The following SEMA6A variants were observed in gnomAD, a reference collection of about 807,000 sequenced individuals.
The protein encoded by SEMA6A is semaphorin-6A.
In SEMA6A, 25 loss-of-function variants were observed where a neutral mutation model predicts 96.8. That is an observed-to-expected ratio of 0.26 (90% CI 0.19 to 0.36). SEMA6A has a LOEUF of 0.36. Ranked by LOEUF, SEMA6A falls within the 10% of genes least tolerant of loss-of-function variation. The pLI, the probability that SEMA6A is intolerant of heterozygous loss-of-function variation, is 1.00. For synonymous variants in SEMA6A, 612 were observed against 518.0 expected, an observed-to-expected ratio of 1.18 and a Z score of -2.46; for missense variants, 1,363 against 1,323.1, an observed-to-expected ratio of 1.03 and a Z score of -0.47.
chr5:116,504,588 C>T (rs1216815632), intron 2 of SEMA6A, among the ~76,000 whole-genome samples: 1 of 152,126 alleles, frequency 6.6e-6, no homozygotes, highest in African/African-American at 2.4e-5. Flanking sequence ...ACGGCAGCCT[C>T]GATGTAGTAG....
chr5:116,486,849 C>T lies in SEMA6A; in HGVS notation c.862G>A (p.Asp288Asn). The change falls in exon 10 of 19, where the codon GAC becomes AAC. Residue 288 changes from aspartate to asparagine, a missense_variant. This residue lies in a region of SEMA6A where 480 missense variants were observed against 559.5 expected (regional missense o/e 0.86). Transcript: ENST00000343348. ...AGAATGTTGAAATAAAAATGAGAGT[C>T]TCCAGGAACTGAGCAGTTCAAGCGC... ...KARLNCSVPG[D>N]SHFYFNILQA... 1.2e-6 allele frequency: 2 copies of T among 1,613,756 alleles called. No individual in the cohort carries two copies. Among genetic ancestry groups the T allele is most frequent in the Non-Finnish European group, 1.7e-6 (2 of 1,179,778 alleles).
intron 1 of SEMA6A, among the ~76,000 whole-genome samples, chr5:116,515,693 T>A (rs114992511): frequency 0.026 from 3,911 of 152,278 alleles, 72 homozygotes; most frequent in Middle Eastern, 0.041. Flanking sequence ...CTGTTTACTC[T>A]CAGTATAGTT....
chr5:116,485,753 TACTC>T (rs1757019238), intron 10 of SEMA6A, among the ~76,000 whole-genome samples: 1 of 152,270 alleles, frequency 6.6e-6, no homozygotes, highest in Non-Finnish European at 1.5e-5. Flanking sequence ...TAGAGGAACA[TACTC>T]AATACAGAAC....
chr5:116,550,326 A>T (rs1476341290), intron 1 of SEMA6A: 1 of 152,210 alleles, frequency 6.6e-6, no homozygotes, highest in African/African-American at 2.4e-5. Flanking sequence ...TACCAAGAAA[A>T]TGATCCTCTC....
intron 1 of SEMA6A, among the ~76,000 whole-genome samples, chr5:116,561,212 A>G (rs1202731812): frequency 1.3e-5 from 2 of 152,238 alleles, no homozygotes; most frequent in African/African-American, 4.8e-5. Flanking sequence ...GGCAATGTTT[A>G]TAAACACATT....
At chr5:116,456,672 G>C (rs26604) in intron 18 of SEMA6A, among the ~76,000 whole-genome samples, 1 of 152,284 alleles carries the variant, frequency 6.6e-6, no homozygotes, top group African/African-American at 2.4e-5. Context: ...AACTGTGGCC[G>C]TCAGATAGTG....
intron 18 of SEMA6A, among the ~76,000 whole-genome samples, chr5:116,463,382 T>A (rs1398244407): frequency 6.6e-6 from 1 of 152,190 alleles, no homozygotes; most frequent in Non-Finnish European, 1.5e-5. Flanking sequence ...GATTAAATAA[T>A]TAACTATAAA....
rs576845817 is a variant in SEMA6A at position 116,467,861 on chromosome 5, G to C, written c.1730-114C>G. 5.0e-5 allele frequency: 52 copies of C among 1,042,840 alleles called. No homozygotes were observed. The African/African-American group carries it at 7.5e-4, about 15-fold the overall frequency. The allele number at this position is 1,042,840 out of a possible 1,614,324, so 64.6% of individuals were successfully genotyped here. A position where few individuals can be genotyped will look rare whatever the true frequency, so the allele number is the denominator to read the frequency against. On this transcript the variant is annotated intron_variant, in intron 17 of 18. Coordinates refer to ENST00000343348, the MANE Select transcript of SEMA6A (RefSeq NM_020796.5). The stretch of plus-strand genomic sequence containing the variant: ...CTGGCTGTAAGACTGAGAGGAGATG[G>C]CCCTAGAAATGACACGGCTTAGTGG...
At chr5:116,529,000 C>G (rs899703660) in intron 1 of SEMA6A, among the ~76,000 whole-genome samples, 2 of 152,174 alleles carry the variant, frequency 1.3e-5, no homozygotes, top group African/African-American at 4.8e-5. Context: ...AGTTGTGAAA[C>G]TGGCATAATA....
At chr5:116,548,762 T>C (rs1391947026) in intron 1 of SEMA6A, among the ~76,000 whole-genome samples, 1 of 152,216 alleles carries the variant, frequency 6.6e-6, no homozygotes, top group African/African-American at 2.4e-5. Context: ...TAAAACAGTA[T>C]TGCTTTGCAC....
chr5:116,451,441 G>A (rs1420611275), intron 18 of SEMA6A, among the ~76,000 whole-genome samples: 1 of 152,144 alleles, frequency 6.6e-6, no homozygotes, highest in East Asian at 1.9e-4. Flanking sequence ...AGATTTCGAA[G>A]CAATATAAGG....
intron 1 of SEMA6A, among the ~76,000 whole-genome samples, chr5:116,515,135 GA>G (rs1758607801): frequency 6.6e-6 from 1 of 152,150 alleles, no homozygotes; most frequent in South Asian, 2.1e-4. Flanking sequence ...GCCAGGCCAA[GA>G]CAGCAGCGTG....
chr5:116,469,599 C>G (rs1755982222), intron 17 of SEMA6A: 1 of 152,182 alleles, frequency 6.6e-6, no homozygotes, highest in South Asian at 2.1e-4. Context: ...TACCTCCCCT[C>G]CAAGTAGCAA....
At chr5:116,451,249 A>G (rs1754615160) in intron 18 of SEMA6A, among the ~76,000 whole-genome samples, 1 of 152,208 alleles carries the variant, frequency 6.6e-6, no homozygotes. Context: ...GGACAAATCT[A>G]AAGCTCAAAA....
Position 116,443,842 on chromosome 5 carries a change from A to T in SEMA6A, c.*2771T>A, listed in dbSNP as rs1754034723. The T allele has an allele frequency of 6.6e-6, 1 of 152,574 alleles. No homozygotes were observed. Among genetic ancestry groups the T allele is most frequent in the Admixed American group, 6.5e-5 (1 of 15,276 alleles). The allele number at this position is 152,574 out of a possible 1,614,324, so 9.5% of individuals were successfully genotyped here. ...GACCCTCCCCCCACACACAGTGGGGAAAAAAACTGGGGAGAAATACTTAAA... is the reference window on the plus strand; with the variant it reads ...GACCCTCCCCCCACACACAGTGGGGTAAAAAACTGGGGAGAAATACTTAAA... On this transcript the variant is annotated 3_prime_UTR_variant, in exon 19 of 19. Transcript: ENST00000343348.
At chr5:116,486,051 G>A (rs192038617) in intron 10 of SEMA6A, among the ~76,000 whole-genome samples, 3 of 152,282 alleles carry the variant, frequency 2.0e-5, no homozygotes, top group Admixed American at 2.0e-4. Flanking sequence ...CTCATAATTT[G>A]TAGGTACAAT....
intron 17 of SEMA6A, 111 bp downstream of exon 17, chr5:116,472,962 A>G: frequency 1.3e-6 from 2 of 1,517,398 alleles, no homozygotes; most frequent in Non-Finnish European, 1.8e-6. Context: ...AGGATAAAAA[A>G]TTAATTAAAA....
chr5:116,560,240 G>T (rs1760767880), intron 1 of SEMA6A, among the ~76,000 whole-genome samples: 1 of 152,162 alleles, frequency 6.6e-6, no homozygotes, highest in Non-Finnish European at 1.5e-5. Flanking sequence ...GGCCTTCTTA[G>T]CATCTTCTGC....
intron 10 of SEMA6A, chr5:116,486,496 GTTTA>G: frequency 2.5e-6 from 1 of 404,494 alleles, no homozygotes; most frequent in Non-Finnish European, 4.4e-6. Flanking sequence ...CATAAAAAGT[GTTTA>G]TATACCAGGC....
Sources: gnomAD v4.1 joint callset for allele counts (sites outside exome capture counted in the v4.1 genomes callset) on GRCh38, gnomAD v4.1.1 for gene constraint, gnomAD v4.1.1 regional missense constraint, MANE v1.5 for transcripts, NCBI Gene and HGNC (gene_info 2026-07-23, HGNC 2026-07-21) for gene names.